The following ADAT1 variants were observed in gnomAD, a reference collection of about 807,000 sequenced individuals.
ADAT1 encodes the protein adenosine deaminase tRNA specific 1, also known as tRNA-specific adenosine deaminase 1.
In ADAT1, 58 loss-of-function variants were observed where a neutral mutation model predicts 58.6. The ratio of observed to expected loss-of-function variants is 0.99; its 90% CI spans 0.80 to 1.23. The LOEUF (loss-of-function observed/expected upper bound fraction) is 1.23. Ranked by LOEUF, ADAT1 falls within the 50% of genes most tolerant of loss-of-function variation. The pLI, the probability that ADAT1 is intolerant of heterozygous loss-of-function variation, is 0.00. For missense variants in ADAT1, 741 were observed against 608.6 expected (o/e 1.22, Z -2.29); for synonymous variants, 254 against 220.8 (o/e 1.15, Z -1.33).
intron 5 of ADAT1, among the ~76,000 whole-genome samples, chr16:75,615,500 A>AG (rs2081676740): frequency 6.7e-6 from 1 of 148,346 alleles, no homozygotes; most frequent in South Asian, 2.1e-4. Flanking sequence ...AAAAAAAAAA[A>AG]AAAAAAAAAA....
chr16:75,610,975 G>A (rs1253052985), intron 6 of ADAT1, among the ~76,000 whole-genome samples: 2 of 152,148 alleles, frequency 1.3e-5, no homozygotes, highest in South Asian at 2.1e-4. Flanking sequence ...TCAGCCAAGT[G>A]TGGTGGCTTA....
rs913038544 is a variant in ADAT1, at chr16:75,597,672, G to A, written c.*2544C>T. Among the ~76,000 whole-genome samples the A allele has an allele frequency of 5.9e-5, 9 of 152,168 alleles. No individual in the cohort carries two copies. Among genetic ancestry groups the A allele is most frequent in the African/African-American group, 2.2e-4 (9 of 41,428 alleles). ...TAGAATCAGTAGGAGCCCTGAGCTT[G>A]TTTTCCTGCAACTAGACAGTCCCAT... On this transcript the variant is annotated 3_prime_UTR_variant, in exon 10 of 10. Coordinates refer to ENST00000564657, the MANE Select transcript of ADAT1 (RefSeq NM_001324445.2).
At chr16:75,603,496 C>T (rs183943642) in intron 8 of ADAT1, among the ~76,000 whole-genome samples, 23 of 152,284 alleles carry the variant, frequency 1.5e-4, no homozygotes, top group Admixed American at 7.2e-4. Context: ...GGTGCTGGCC[C>T]CTATGGGTTT....
intron 1 of ADAT1, among the ~76,000 whole-genome samples, chr16:75,621,860 G>T (rs1597149454): frequency 6.6e-6 from 1 of 152,282 alleles, no homozygotes; most frequent in Admixed American, 6.5e-5. Context: ...CTTCCCAGTA[G>T]AAGATGAGCT....
intron 3 of ADAT1, chr16:75,619,728 T>C (rs1455959572): frequency 9.6e-6 from 4 of 415,194 alleles, no homozygotes; most frequent in Admixed American, 5.7e-5. Context: ...TTGGCCAGCA[T>C]GGTGAAACCC....
Position 75,612,451 on chromosome 16 carries a change from G to A in ADAT1, c.835C>T (p.His279Tyr). 1 of 1,614,230 alleles carries A rather than the reference G, an allele frequency of 6.2e-7. No individual in the cohort carries two copies. Among genetic ancestry groups the A allele is most frequent in the Non-Finnish European group, 8.5e-7 (1 of 1,180,036 alleles). The change falls in exon 6 of 10, where the codon CAC becomes TAC. Residue 279 changes from histidine to tyrosine, a missense_variant. Physicochemically the swap from His to Tyr is moderately conservative, Grantham distance 83. Transcript: ENST00000564657. ...GDSGKPGAAF[H>Y]QVGLLRVKPG... ...TTCACTCGGAGCAGCCCCACCTGGT[G>A]AAACGCAGCACCCGGCTTTCCGGAG...
chr16:75,605,028 AC>A (rs1315427359), intron 8 of ADAT1, among the ~76,000 whole-genome samples: 5 of 152,116 alleles, frequency 3.3e-5, no homozygotes. Flanking sequence ...GAGGATAAAG[AC>A]CTTTATGATG....
At chr16:75,617,774 T>G (rs1340651540) in intron 4 of ADAT1, among the ~76,000 whole-genome samples, 1 of 151,766 alleles carries the variant, frequency 6.6e-6, no homozygotes, top group Non-Finnish European at 1.5e-5. Flanking sequence ...GTTCTTCTGA[T>G]GTACAATCAA....
Position 75,597,874 on chromosome 16 carries a change from C to A in ADAT1, c.*2342G>T, listed in dbSNP as rs1161250478. On this transcript the variant is annotated 3_prime_UTR_variant, in exon 10 of 10. Coordinates refer to ENST00000564657, the MANE Select transcript of ADAT1 (RefSeq NM_001324445.2). ...CGGCAGAAATGTGAGCGATGGGGGG[C>A]AGCCATAAATACAGATGAAACTTCA... is the stretch of plus-strand genomic sequence containing the variant. Among the ~76,000 whole-genome samples the A allele has an allele frequency of 6.6e-6, 1 of 152,168 alleles. No individual in the cohort carries two copies. The highest frequency in any genetic ancestry group is 1.5e-5 in the Non-Finnish European group (1 of 68,024).
chr16:75,619,507 A>G, intron 3 of ADAT1: 1 of 421,828 alleles, frequency 2.4e-6, no homozygotes, highest in South Asian at 1.7e-5. Context: ...ACCGTACTTC[A>G]GTGAGACCCT....
intron 8 of ADAT1, among the ~76,000 whole-genome samples, chr16:75,607,132 T>C (rs2081393111): frequency 6.6e-6 from 1 of 151,848 alleles, no homozygotes; most frequent in Admixed American, 6.6e-5. Flanking sequence ...TGCGAGGCTG[T>C]AGAGAGATAA....
In ADAT1 at chr16:75,599,813, T is replaced by C. The variant is rs1230312517; in HGVS notation, c.*403A>G. ...AGAAAGGCTGGGAATACAAAATATA[T>C]ATTCGCTATGCTAGGCAAAGCTGTA... is the stretch of plus-strand genomic sequence containing the variant. On this transcript the variant is annotated 3_prime_UTR_variant, in exon 10 of 10. Coordinates refer to ENST00000564657, the MANE Select transcript of ADAT1 (RefSeq NM_001324445.2). The C allele has an allele frequency of 7.1e-6, 7 of 992,670 alleles. No individual in the cohort carries two copies. The highest frequency in any genetic ancestry group is 1.7e-5 in the African/African-American group (1 of 57,360). The allele number at this position is 992,670 out of a possible 1,614,324, so 61.5% of individuals were successfully genotyped here. A position where few individuals can be genotyped will look rare whatever the true frequency, so the allele number is the denominator to read the frequency against.
At chr16:75,620,412 C>G (rs2081894290) in intron 2 of ADAT1, 78 bp from the exon 3 acceptor site, 1 of 1,524,792 alleles carries the variant, frequency 6.6e-7, no homozygotes, top group African/African-American at 1.4e-5. Context: ...AGCCTGCACA[C>G]TCCTCTAGGG....
At chr16:75,608,812 C>T (rs1448084595) in intron 7 of ADAT1, 31 bp downstream of exon 7, 2 of 1,602,266 alleles carry the variant, frequency 1.2e-6, no homozygotes. Flanking sequence ...GGAGCAGTTA[C>T]TCCAGGGCAG....
At chr16:75,612,976 AC>A in intron 5 of ADAT1, 115 bp from the exon 6 acceptor site, 2 of 1,307,096 alleles carry the variant, frequency 1.5e-6, no homozygotes, top group Admixed American at 5.5e-5. Context: ...CCCACAGTAG[AC>A]CTGCTGAATC....
At chr16:75,613,838 T>C (rs886265010) in intron 5 of ADAT1, among the ~76,000 whole-genome samples, 1 of 152,132 alleles carries the variant, frequency 6.6e-6, no homozygotes, top group Non-Finnish European at 1.5e-5. Flanking sequence ...CAAGTGCATT[T>C]TGTGAAATGC....
chr16:75,616,539 T>C (rs181346475), intron 5 of ADAT1, among the ~76,000 whole-genome samples: 3 of 152,336 alleles, frequency 2.0e-5, no homozygotes, highest in Admixed American at 1.3e-4. Flanking sequence ...TTATTTTCAA[T>C]TTTTAAGAAA....
chr16:75,613,979 G>A (rs533611138), intron 5 of ADAT1, among the ~76,000 whole-genome samples: 29 of 152,008 alleles, frequency 1.9e-4, no homozygotes, highest in Non-Finnish European at 2.5e-4. Flanking sequence ...ATCACGAGGT[G>A]AGGAGTTCGA....
chr16:75,613,957 C>T (rs996686190), intron 5 of ADAT1, among the ~76,000 whole-genome samples: 1 of 151,952 alleles, frequency 6.6e-6, no homozygotes, highest in African/African-American at 2.4e-5. Flanking sequence ...TTTGGGAGGC[C>T]GAGGTGGGCG....
Sources: allele counts gnomAD v4.1 joint callset (sites outside exome capture counted in the v4.1 genomes callset), GRCh38; gene constraint gnomAD v4.1.1; transcripts MANE v1.5; gene names NCBI Gene and HGNC (gene_info 2026-07-23, HGNC 2026-07-21).